The following MCF2L2 variants were observed in gnomAD, a reference collection of about 807,000 sequenced individuals.
MCF2L2 encodes MCF.2 cell line derived transforming sequence-like 2.
MCF2L2 carries 102 observed loss-of-function variants against 150.2 expected under a neutral mutation model. The observed-to-expected ratio is 0.68, with a 90% CI of 0.58 to 0.80. The LOEUF is 0.80. Among genes scored for constraint, MCF2L2 ranks in the 30% least tolerant of loss-of-function variants. The pLI is 0.00. For synonymous variants in MCF2L2, 465 were observed against 491.3 expected, an observed-to-expected ratio of 0.95 and a Z score of 0.71; for missense variants, 1,256 against 1,372.8, an observed-to-expected ratio of 0.91 and a Z score of 1.34.
chr3:183,351,190 GTATATATATATA>G (rs60311053), intron 3 of MCF2L2, among the ~76,000 whole-genome samples: 960 of 38,716 alleles, frequency 0.025, 30 homozygotes, highest in African/African-American at 0.076. Context: ...ATTTTCTTAA[GTATATATATATA>G]TATATATATA....
At chr3:183,426,866 A>G (rs1716189686) in intron 1 of MCF2L2, among the ~76,000 whole-genome samples, 1 of 152,364 alleles carries the variant, frequency 6.6e-6, no homozygotes, top group Non-Finnish European at 1.5e-5. Context: ...CATATAAATC[A>G]TCTTTACAAA....
At chr3:183,260,154 T>G (rs2108414619) in intron 15 of MCF2L2, among the ~76,000 whole-genome samples, 1 of 152,116 alleles carries the variant, frequency 6.6e-6, no homozygotes, top group Admixed American at 6.6e-5. Flanking sequence ...TTGTTGACAT[T>G]ACATGGTTAA....
chr3:183,305,350 C>A lies in MCF2L2; in HGVS notation c.1113+4366G>T, dbSNP rs1032729755. 6.6e-6 allele frequency among the ~76,000 whole-genome samples: 1 copy of A among 151,608 alleles called. No individual in the cohort carries two copies. The highest frequency in any genetic ancestry group is 2.4e-5 in the African/African-American group (1 of 41,212). On this transcript the variant is annotated intron_variant, in intron 10 of 29. Transcript: ENST00000328913. The surrounding 1 kb of genome is among the most constrained non-coding windows in gnomAD (Gnocchi z 4.1). ...CTTTTTTTTTTTTTAAGTCCAGCTGCCTAATTTATTAAGAACAGGGCAGAA... is the reference window on the plus strand; with the variant it reads ...CTTTTTTTTTTTTTAAGTCCAGCTGACTAATTTATTAAGAACAGGGCAGAA...
chr3:183,184,776 A>G (rs1721638011), intron 27 of MCF2L2, among the ~76,000 whole-genome samples: 1 of 152,220 alleles, frequency 6.6e-6, no homozygotes, highest in Admixed American at 6.5e-5. Flanking sequence ...TGTTTCCCTT[A>G]CTGTCCAGTG....
rs145815422 is a variant in MCF2L2 at position 183,361,508 on chromosome 3, C to T, written c.275+17789G>A. Among the ~76,000 whole-genome samples, 485 of 152,234 alleles carry T rather than the reference C, an allele frequency of 3.2e-3. 2 individuals carry two copies. Among genetic ancestry groups the T allele is most frequent in the Middle Eastern group, 0.017 (5 of 294 alleles). ...GATGGTTTAAAAGTGTGTGGCACCTCCCCTATCACTCTCTCTCTCCTGCCG... is the reference window on the plus strand; with the variant it reads ...GATGGTTTAAAAGTGTGTGGCACCTTCCCTATCACTCTCTCTCTCCTGCCG... On this transcript the variant is annotated intron_variant, in intron 3 of 29. Coordinates refer to ENST00000328913, the MANE Select transcript of MCF2L2 (RefSeq NM_015078.4).
At chr3:183,404,026 C>A (rs1310303179) in intron 1 of MCF2L2, among the ~76,000 whole-genome samples, 2 of 152,114 alleles carry the variant, frequency 1.3e-5, no homozygotes, top group Non-Finnish European at 2.9e-5. Flanking sequence ...TGACTACATA[C>A]AATTTTAAAC....
chr3:183,381,137 T>C (rs1332397652), intron 2 of MCF2L2, among the ~76,000 whole-genome samples: 1 of 152,148 alleles, frequency 6.6e-6, no homozygotes, highest in East Asian at 1.9e-4. Context: ...GTTATGTCCT[T>C]GAAGAGAAAC....
chr3:183,419,995 C>A (rs928194047), intron 1 of MCF2L2, among the ~76,000 whole-genome samples: 2 of 152,250 alleles, frequency 1.3e-5, no homozygotes, highest in African/African-American at 4.8e-5. Context: ...CCACCAGTTT[C>A]TTTGCTAAAG....
chr3:183,427,503 A>G (rs1218548865), intron 1 of MCF2L2, among the ~76,000 whole-genome samples: 1 of 152,062 alleles, frequency 6.6e-6, no homozygotes, highest in Non-Finnish European at 1.5e-5. Context: ...CGTGGCAATC[A>G]TTTCTGCTGA....
In MCF2L2 at chr3:183,303,864, A is replaced by G. The variant is rs564283889; in HGVS notation, c.1114-3668T>C. 5.3e-5 allele frequency among the ~76,000 whole-genome samples: 8 copies of G among 152,260 alleles called. No individual in the cohort carries two copies. In the South Asian group the frequency reaches 1.7e-3, roughly 32 times the overall value. On this transcript the variant is annotated intron_variant, in intron 10 of 29. Transcript: ENST00000328913. ...AGGAGCAAGCTTAAACTCTTGAGCA[A>G]TGCACACGGGGAATTTCATTATCTA...
intron 1 of MCF2L2, among the ~76,000 whole-genome samples, chr3:183,423,069 A>G (rs1320675971): frequency 6.6e-6 from 1 of 152,204 alleles, no homozygotes; most frequent in Non-Finnish European, 1.5e-5. Context: ...GCCCTTGAAG[A>G]GTCTGTGAAC....
intron 27 of MCF2L2, among the ~76,000 whole-genome samples, chr3:183,191,253 G>A (rs1362327639): frequency 3.2e-5 from 3 of 94,836 alleles, no homozygotes; most frequent in Non-Finnish European, 4.3e-5. Context: ...TATATCCCCT[G>A]TGCTCACACA....
At chr3:183,252,019 A>G (rs952699948) in intron 15 of MCF2L2, among the ~76,000 whole-genome samples, 3 of 147,918 alleles carry the variant, frequency 2.0e-5, no homozygotes, top group African/African-American at 7.5e-5. Context: ...TATGATGTGA[A>G]TATGTGATTT....
At chr3:183,203,206 C>CT (rs1206682857) in intron 25 of MCF2L2, among the ~76,000 whole-genome samples, 6 of 151,796 alleles carry the variant, frequency 4.0e-5, no homozygotes, top group African/African-American at 1.2e-4. Context: ...GAGCAAGACT[C>CT]TGTCTCAAAA....
At chr3:183,188,347 G>A (rs1721767827) in intron 27 of MCF2L2, among the ~76,000 whole-genome samples, 1 of 152,178 alleles carries the variant, frequency 6.6e-6, no homozygotes, top group Admixed American at 6.6e-5. Flanking sequence ...TTGGAGACAT[G>A]GGGAGAAAAC....
intron 7 of MCF2L2, among the ~76,000 whole-genome samples, chr3:183,313,854 A>C (rs896473844): frequency 1.3e-5 from 2 of 152,164 alleles, no homozygotes; most frequent in African/African-American, 2.4e-5. Context: ...ATTGCCTACC[A>C]AAGTTCCCTT....
At chr3:183,222,326 C>A (rs1214073446) in intron 20 of MCF2L2, among the ~76,000 whole-genome samples, 3 of 152,034 alleles carry the variant, frequency 2.0e-5, no homozygotes, top group Admixed American at 6.6e-5. Flanking sequence ...CTGAGGTGGG[C>A]AGATCACGAG....
chr3:183,365,232 G>A (rs2108570933), intron 3 of MCF2L2, among the ~76,000 whole-genome samples: 1 of 152,270 alleles, frequency 6.6e-6, no homozygotes, highest in South Asian at 2.1e-4. Flanking sequence ...TTGATAGGAT[G>A]ATTTTAACAC....
chr3:183,390,723 C>T (rs1049317374), intron 1 of MCF2L2, among the ~76,000 whole-genome samples: 1 of 152,144 alleles, frequency 6.6e-6, no homozygotes, highest in South Asian at 2.1e-4. Flanking sequence ...AGAGTAAGAT[C>T]TTGTCTCCAC....
Sources: gnomAD v4.1 joint callset for allele counts (sites outside exome capture counted in the v4.1 genomes callset) on GRCh38, gnomAD v4.1.1 for gene constraint, Gnocchi (gnomAD v3.1) non-coding constraint, MANE v1.5 for transcripts, NCBI Gene and HGNC (gene_info 2026-07-23, HGNC 2026-07-21) for gene names.